CFAP119: variants seen among roughly 807,000 people sequenced by gnomAD.
The protein encoded by CFAP119 is cilia- and flagella-associated protein 119.
chr16:30,759,058 C>CG, the CFAP119 span: 15 of 1,614,104 alleles, frequency 9.3e-6, no homozygotes, highest in Non-Finnish European at 1.3e-5. Flanking sequence ...CCTCTTTCTG[C>CG]GGGGTAACTG....
At chr16:30,761,311 G>C in the CFAP119 span, 2 of 1,584,492 alleles carry the variant, frequency 1.3e-6, no homozygotes, top group Non-Finnish European at 1.7e-6. Context: ...AGAAGCCGCT[G>C]TAACTTGCCA....
At chr16:30,760,995 C>T in the CFAP119 span, 1 of 631,972 alleles carries the variant, frequency 1.6e-6, no homozygotes, top group East Asian at 2.7e-5. Context: ...CATTTACATT[C>T]TGTCTTTGGC....
chr16:30,759,178 C>T, the CFAP119 span: 1 of 1,614,228 alleles, frequency 6.2e-7, no homozygotes, highest in Non-Finnish European at 8.5e-7. Context: ...TCTCCCTTAC[C>T]CGTCTCACTC....
At chr16:30,759,475 G>A in the CFAP119 span, 3 of 1,614,188 alleles carry the variant, frequency 1.9e-6, no homozygotes, top group Non-Finnish European at 1.7e-6. Context: ...TGGTGACTCG[G>A]AATTAGAACC....
At chr16:30,760,276 C>T in the CFAP119 span, 13 of 1,614,192 alleles carry the variant, frequency 8.1e-6, no homozygotes, top group East Asian at 2.7e-4. Context: ...GTAGCTGCCC[C>T]CTCTCACCAA....
chr16:30,759,660 T>C, the CFAP119 span: 1 of 1,613,192 alleles, frequency 6.2e-7, no homozygotes, highest in Non-Finnish European at 8.5e-7. Flanking sequence ...TGACCCTGAC[T>C]CCATGGCAAA....
the CFAP119 span, chr16:30,759,972 G>T: frequency 1.4e-6 from 2 of 1,453,362 alleles, no homozygotes; most frequent in Non-Finnish European, 1.8e-6. Context: ...AATAAACCAA[G>T]AAATAGATCA....
chr16:30,757,547 T>C, the CFAP119 span: 7 of 1,614,274 alleles, frequency 4.3e-6, no homozygotes, highest in Non-Finnish European at 5.9e-6. Flanking sequence ...AACTTGCTGC[T>C]GAGCCTTTCC....
the CFAP119 span, chr16:30,760,324 C>A: frequency 1.2e-6 from 2 of 1,614,194 alleles, no homozygotes. Context: ...GGGCACAAGC[C>A]GCTGACGTCT....
chr16:30,757,706 T>TG, the CFAP119 span: 5 of 1,554,352 alleles, frequency 3.2e-6, no homozygotes, highest in African/African-American at 5.5e-5. Context: ...TGTCTGGCAA[T>TG]GGGGGGATGG....
the CFAP119 span, chr16:30,759,457 C>T: frequency 6.2e-7 from 1 of 1,614,056 alleles, no homozygotes; most frequent in African/African-American, 1.3e-5. Flanking sequence ...GAAAGGAGGC[C>T]GCTGTGGTGG....
At chr16:30,758,532 G>A in the CFAP119 span, 2 of 200,056 alleles carry the variant, frequency 1.0e-5, no homozygotes, top group African/African-American at 2.4e-5. Context: ...TTTCTCTGGA[G>A]CCACTTCAGC....
chr16:30,760,391 A>G, the CFAP119 span: 1 of 1,614,212 alleles, frequency 6.2e-7, no homozygotes, highest in Non-Finnish European at 8.5e-7. Flanking sequence ...GAAGAGGTCC[A>G]GGGTGATGGC....
At chr16:30,759,942 C>T in the CFAP119 span, 38 of 1,441,742 alleles carry the variant, frequency 2.6e-5, no homozygotes, top group East Asian at 1.2e-4. Context: ...CCTGCCCTTA[C>T]GAAGCTTATA....
the CFAP119 span, chr16:30,761,507 T>C: frequency 6.5e-7 from 1 of 1,534,880 alleles, no homozygotes; most frequent in Non-Finnish European, 8.7e-7. Flanking sequence ...AGCCGGTTTA[T>C]AAATATTCAC....
At chr16:30,759,554 G>C in the CFAP119 span, 1 of 1,614,070 alleles carries the variant, frequency 6.2e-7, no homozygotes, top group South Asian at 1.1e-5. Context: ...GAGCCCACTG[G>C]GGTCTTCACA....
the CFAP119 span, chr16:30,760,454 C>G: frequency 6.2e-7 from 1 of 1,613,984 alleles, no homozygotes; most frequent in Non-Finnish European, 8.5e-7. Context: ...AGCCAGCACC[C>G]TTGGGAGGGA....
the CFAP119 span, chr16:30,759,012 T>C: frequency 3.1e-6 from 5 of 1,614,106 alleles, no homozygotes; most frequent in African/African-American, 1.3e-5. Context: ...AGATCCTCAC[T>C]TGGCTCTGGC....
chr16:30,760,609 C>T, the CFAP119 span: 3 of 1,558,386 alleles, frequency 1.9e-6, no homozygotes, highest in Non-Finnish European at 2.6e-6. Flanking sequence ...TCCCTACTCC[C>T]TCATCTCAGC....
Sources: allele counts gnomAD v4.1 joint callset, GRCh38; gene constraint gnomAD v4.1.1; transcripts MANE v1.5; gene names NCBI Gene and HGNC (gene_info 2026-07-23, HGNC 2026-07-21).